Variants in SACS observed in about 807,000 individuals in gnomAD.
SACS encodes sacsin.
SACS carries 197 observed loss-of-function variants against 348.0 expected under a neutral mutation model. The observed-to-expected ratio is 0.57, with a 90% CI of 0.50 to 0.64. The LOEUF (loss-of-function observed/expected upper bound fraction) is 0.64. Among genes scored for constraint, SACS ranks in the 30% least tolerant of loss-of-function variants. The pLI is 0.00. For synonymous variants in SACS, 1,985 were observed against 1,910.6 expected (o/e 1.04, Z -1.02); for missense variants, 4,999 against 5,360.8 (o/e 0.93, Z 2.11).
chr13:23,399,808 T>A (rs1278264577), intron 2 of SACS, among the ~76,000 whole-genome samples: 1 of 152,032 alleles, frequency 6.6e-6, no homozygotes, highest in Non-Finnish European at 1.5e-5. Flanking sequence ...AGCCCCTAGA[T>A]AAGCCCCCTC....
chr13:23,425,607 C>T (rs916194873), intron 1 of SACS, among the ~76,000 whole-genome samples: 7 of 151,910 alleles, frequency 4.6e-5, no homozygotes, highest in African/African-American at 1.2e-4. Flanking sequence ...CTGGGGAGAG[C>T]GGGCAGGGAG....
intron 3 of SACS, among the ~76,000 whole-genome samples, chr13:23,372,885 A>G (rs1871484032): frequency 6.6e-6 from 1 of 152,112 alleles, no homozygotes; most frequent in Admixed American, 6.5e-5. Flanking sequence ...AGTCTCTTGT[A>G]TATCCTTTCC....
At chr13:23,416,350 G>C (rs183667068) in intron 1 of SACS, among the ~76,000 whole-genome samples, 2 of 152,146 alleles carry the variant, frequency 1.3e-5, no homozygotes, top group Admixed American at 1.3e-4. Context: ...GATGAGAGCA[G>C]AATTAATGAA....
Position 23,341,315 on chromosome 13 carries a change from T to G in SACS, c.2561A>C (p.Lys854Thr). 6.2e-7 allele frequency: 1 copy of G among 1,606,858 alleles called. No homozygotes were observed. Among genetic ancestry groups the G allele is most frequent in the East Asian group, 2.2e-5 (1 of 44,764 alleles). The change falls in exon 10 of 10, where the codon AAA (lysine) becomes ACA (threonine). Residue 854 changes from lysine to threonine, a missense_variant. Physicochemically the swap from Lys to Thr is moderately conservative, Grantham distance 78. Coordinates refer to ENST00000382292, the MANE Select transcript of SACS (RefSeq NM_014363.6). Reference sequence around the variant, plus strand: ...CGGATGTTGTATAGATGCATCTAATTTTTTAAGGACAAACCCTCCAAGTTT... The same window carrying G: ...CGGATGTTGTATAGATGCATCTAATGTTTTAAGGACAAACCCTCCAAGTTT... ...VQKLGGFVLK[K>T]LDASIQHPLI... is the part of the protein sequence containing the mutation.
At chr13:23,410,285 AAATC>A (rs1449597245) in intron 2 of SACS, among the ~76,000 whole-genome samples, 3 of 152,234 alleles carry the variant, frequency 2.0e-5, no homozygotes, top group African/African-American at 7.2e-5. Context: ...CATTTAATAA[AAATC>A]AAACCCATAA....
At chr13:23,407,839 A>G (rs897152087) in intron 2 of SACS, among the ~76,000 whole-genome samples, 1 of 152,152 alleles carries the variant, frequency 6.6e-6, no homozygotes, top group Non-Finnish European at 1.5e-5. Flanking sequence ...GACTCCGGCT[A>G]TCTGATCACC....
At chr13:23,380,682 AAGAC>A (rs1872017429) in intron 2 of SACS, among the ~76,000 whole-genome samples, 1 of 152,210 alleles carries the variant, frequency 6.6e-6, no homozygotes, top group Non-Finnish European at 1.5e-5. Context: ...CACATGATGA[AAGAC>A]AGAGTCAGGA....
At chr13:23,342,741 G>A (rs764872331) in intron 9 of SACS, among the ~76,000 whole-genome samples, 5 of 152,204 alleles carry the variant, frequency 3.3e-5, no homozygotes, top group African/African-American at 4.8e-5. Context: ...AGGTCATGAA[G>A]TCAGCGCACA....
At chr13:23,363,292 G>A (rs1212844728) in intron 6 of SACS, among the ~76,000 whole-genome samples, 1 of 150,448 alleles carries the variant, frequency 6.6e-6, no homozygotes, top group Non-Finnish European at 1.5e-5. Context: ...CAATAGTGGG[G>A]TCTTGGCTCA....
In SACS at chr13:23,330,318, T is replaced by C; in HGVS notation, c.13558A>G (p.Thr4520Ala). 2.5e-6 allele frequency: 4 copies of C among 1,614,204 alleles called. No individual in the cohort carries two copies. Among genetic ancestry groups the C allele is most frequent in the Non-Finnish European group, 3.4e-6 (4 of 1,180,014 alleles). ...EEYSQQLEGL[T>A]NDVHTLEAYG... is the part of the protein sequence containing the mutation. ...GCTTCCAATGTGTGAACATCATTTG[T>C]CAGTCCTTCAAGTTGCTGACTATAT... The change falls in exon 10 of 10, where the codon ACA becomes GCA. Residue 4520 changes from threonine (T) to alanine (A), a missense_variant. Thr to Ala is a moderately conservative substitution (Grantham distance 58). Coordinates refer to ENST00000382292, the MANE Select transcript of SACS (RefSeq NM_014363.6).
At chr13:23,398,683 G>A (rs1313863547) in intron 2 of SACS, among the ~76,000 whole-genome samples, 1 of 152,086 alleles carries the variant, frequency 6.6e-6, no homozygotes, top group Non-Finnish European at 1.5e-5. Context: ...GGACAATTGA[G>A]ATCTGGGATC....
chr13:23,401,222 G>T (rs1277648241), intron 2 of SACS, among the ~76,000 whole-genome samples: 8 of 152,140 alleles, frequency 5.3e-5, no homozygotes, highest in Admixed American at 4.6e-4. Context: ...CTCAAGCTGG[G>T]AACTGCTTAG....
chr13:23,332,300 C>A lies in SACS; in HGVS notation c.11576G>T (p.Arg3859Leu), dbSNP rs149427669. The change falls in exon 10 of 10, where the codon CGC becomes CTC. Residue 3859 changes from arginine (R) to leucine (L), a missense_variant. By Grantham distance (102) the Arg-to-Leu change is moderately radical (BLOSUM62 -2). Around this residue, in one of 6 missense-constraint regions of SACS, gnomAD observed 831 missense variants for 941.8 expected, o/e 0.88. Coordinates refer to ENST00000382292, the MANE Select transcript of SACS (RefSeq NM_014363.6). ...STKQYVEVLS[R>L]IFKNSEGKQL... ...TTTGCCCTCAGAATTTTTAAATATGCGGCTCAACACTTCAACATATTGCTT... is the reference window on the plus strand; with the variant it reads ...TTTGCCCTCAGAATTTTTAAATATGAGGCTCAACACTTCAACATATTGCTT... 6 of 1,613,884 alleles carry A rather than the reference C, an allele frequency of 3.7e-6. No individual in the cohort carries two copies. The South Asian group carries it at 4.4e-5, about 12-fold the overall frequency.
intron 1 of SACS, among the ~76,000 whole-genome samples, chr13:23,424,744 A>T (rs896279431): frequency 6.6e-6 from 1 of 152,184 alleles, no homozygotes; most frequent in Admixed American, 6.5e-5. Flanking sequence ...ATATCAACAT[A>T]TGAACGTCCA....
At chr13:23,353,242 G>A (rs1017712634) in intron 9 of SACS, among the ~76,000 whole-genome samples, 7 of 152,142 alleles carry the variant, frequency 4.6e-5, no homozygotes, top group Admixed American at 1.3e-4. Context: ...CTGTTACAGA[G>A]TTAATTGGAT....
intron 2 of SACS, among the ~76,000 whole-genome samples, chr13:23,390,733 T>C (rs77158774): frequency 0.039 from 5,883 of 152,320 alleles, 158 homozygotes; most frequent in East Asian, 0.13. Context: ...ATTTGTTTTA[T>C]GTTATTCTCA....
At position 23,411,709 on chromosome 13, in the gene SACS, G is replaced by A. The variant is rs748973703; in HGVS notation, c.-470C>T. 4 of 163,684 alleles carry A rather than the reference G, an allele frequency of 2.4e-5. No homozygotes were observed. The South Asian group carries it at 5.4e-4, about 22-fold the overall frequency. The allele number at this position is 163,684 out of a possible 1,614,324, so 10.1% of individuals were successfully genotyped here. A position where few individuals can be genotyped will look rare whatever the true frequency, so the allele number is the denominator to read the frequency against. ...TAGGAGCCTTTCTTCTGGCTCTGGT[G>A]ACATGGGCATCTTGGCCTCACTTCT... On this transcript the variant is annotated 5_prime_UTR_variant, in exon 2 of 10. Coordinates refer to ENST00000382292, the MANE Select transcript of SACS (RefSeq NM_014363.6).
intron 1 of SACS, among the ~76,000 whole-genome samples, chr13:23,429,345 A>ATTTT (rs536939164): frequency 0.042 from 2,137 of 51,468 alleles, 675 homozygotes; most frequent in Non-Finnish European, 0.055. Flanking sequence ...TGAGGTAGGG[A>ATTTT]TTTTTTTTTT....
chr13:23,431,805 G>T (rs1441541494), intron 1 of SACS, among the ~76,000 whole-genome samples: 1 of 152,166 alleles, frequency 6.6e-6, no homozygotes, highest in Non-Finnish European at 1.5e-5. Flanking sequence ...TATGTATTTT[G>T]TACTGATCAG....
Sources: allele counts gnomAD v4.1 joint callset (sites outside exome capture counted in the v4.1 genomes callset), GRCh38; gene constraint gnomAD v4.1.1; regional missense constraint gnomAD v4.1.1; transcripts MANE v1.5; gene names NCBI Gene and HGNC (gene_info 2026-07-23, HGNC 2026-07-21).